The following DMRT1 variants were observed in gnomAD, a reference collection of about 807,000 sequenced individuals.
DMRT1 encodes the protein doublesex and mab-3 related transcription factor 1, also known as doublesex- and mab-3-related transcription factor 1.
DMRT1 carries 7 observed loss-of-function variants against 32.3 expected under a neutral mutation model. The ratio of observed to expected loss-of-function variants is 0.22; its 90% confidence interval spans 0.12 to 0.41. The LOEUF (loss-of-function observed/expected upper bound fraction) is 0.41, where lower values mean the gene tolerates loss of function less well. DMRT1 is among the 10% of genes least tolerant of loss of function. The probability of loss-of-function intolerance (pLI) is 1.00; values close to 1 mark genes in which losing one functional copy is unlikely to be tolerated. For missense variants in DMRT1, 625 were observed against 500.5 expected, an observed-to-expected ratio of 1.25 and a Z score of -2.37; for synonymous variants, 278 against 206.1, an observed-to-expected ratio of 1.35 and a Z score of -2.99.
At position 877,931 on chromosome 9, in the gene DMRT1, T is replaced by C. The variant is rs562428906; in HGVS notation, c.539-15981T>C. Among the ~76,000 whole-genome samples the C allele has an allele frequency of 4.6e-5, 7 of 152,348 alleles. No homozygotes were observed. In the South Asian group the frequency reaches 1.2e-3, roughly 27 times the overall value. On this transcript the variant is annotated intron_variant, in intron 2 of 4. Coordinates refer to ENST00000382276, the MANE Select transcript of DMRT1 (RefSeq NM_021951.3). Reference sequence around the variant, plus strand: ...GCCTGTACAATGACCCATGGTTGGCTTTGGAATATACCATTAAAGTACTGG... The same window carrying C: ...GCCTGTACAATGACCCATGGTTGGCCTTGGAATATACCATTAAAGTACTGG...
rs934217791 is a variant in DMRT1 at position 841,746 on chromosome 9, C to T, written c.-93C>T. 2.0e-5 allele frequency: 31 copies of T among 1,547,874 alleles called. No homozygotes were observed. Among genetic ancestry groups the T allele is most frequent in the South Asian group, 1.3e-4 (11 of 84,062 alleles). ...GCGCACACGTCTCCTGCGCCTCCTCCTCCGGAGCGTCGCTGTCCGTCGGGT... is the reference window on the plus strand; with the variant it reads ...GCGCACACGTCTCCTGCGCCTCCTCTTCCGGAGCGTCGCTGTCCGTCGGGT... On this transcript the variant is annotated 5_prime_UTR_variant, in exon 1 of 5. Coordinates refer to ENST00000382276, the MANE Select transcript of DMRT1 (RefSeq NM_021951.3).
At chr9:947,755 C>G (rs915331864) in intron 4 of DMRT1, among the ~76,000 whole-genome samples, 1 of 152,164 alleles carries the variant, frequency 6.6e-6, no homozygotes, top group African/African-American at 2.4e-5. Context: ...ACTGAGGCCC[C>G]AGAGATGACT....
At chr9:854,259 G>C (rs1365638702) in intron 2 of DMRT1, among the ~76,000 whole-genome samples, 1 of 152,070 alleles carries the variant, frequency 6.6e-6, no homozygotes, top group Non-Finnish European at 1.5e-5. Flanking sequence ...TGGGACTACA[G>C]GTGCGCTACA....
chr9:845,063 G>C (rs900692118), intron 1 of DMRT1, among the ~76,000 whole-genome samples: 8 of 151,918 alleles, frequency 5.3e-5, no homozygotes, highest in African/African-American at 1.9e-4. Flanking sequence ...TTTCACCTTT[G>C]GCTTATATTT....
intron 4 of DMRT1, among the ~76,000 whole-genome samples, chr9:950,414 G>C (rs146667436): frequency 6.6e-6 from 1 of 152,134 alleles, no homozygotes; most frequent in Non-Finnish European, 1.5e-5. Flanking sequence ...CCCACATTCA[G>C]ATCCTGAGTA....
At chr9:855,338 A>G (rs1477563879) in intron 2 of DMRT1, among the ~76,000 whole-genome samples, 2 of 152,240 alleles carry the variant, frequency 1.3e-5, no homozygotes, top group Non-Finnish European at 2.9e-5. Flanking sequence ...ATAACAGCAT[A>G]TTAAAAAACA....
intron 3 of DMRT1, among the ~76,000 whole-genome samples, chr9:913,449 A>G (rs1818059436): frequency 6.6e-6 from 1 of 152,140 alleles, no homozygotes; most frequent in Admixed American, 6.5e-5. Context: ...CAGCAGTTGT[A>G]GATGGCAACA....
chr9:926,747 C>T (rs893788559), intron 4 of DMRT1, among the ~76,000 whole-genome samples: 6 of 151,678 alleles, frequency 4.0e-5, no homozygotes, highest in Non-Finnish European at 7.4e-5. Context: ...TTAGGAATGC[C>T]TAAATGCTCT....
chr9:843,706 C>T lies in DMRT1; in HGVS notation c.354+1514C>T, dbSNP rs1395108838. 2.6e-5 allele frequency among the ~76,000 whole-genome samples: 4 copies of T among 152,162 alleles called. No homozygotes were observed. The South Asian group carries it at 8.3e-4, about 32-fold the overall frequency. ...CAGGTTATTTAAAATGAAAAGATAA[C>T]GAAGAAATGTTTGCTAACGATGTGC... On this transcript the variant is annotated intron_variant, in intron 1 of 4. Coordinates refer to ENST00000382276, the MANE Select transcript of DMRT1 (RefSeq NM_021951.3).
At position 870,709 on chromosome 9, in the gene DMRT1, C is replaced by CTTT. The variant is rs58893896; in HGVS notation, c.539-23185_539-23183dup. Among the ~76,000 whole-genome samples the CTTT allele has an allele frequency of 3.0e-3, 207 of 69,546 alleles. 16 individuals are homozygous for CTTT. Among genetic ancestry groups the CTTT allele is most frequent in the African/African-American group, 0.011 (170 of 15,252 alleles). The allele number at this position is 69,546 out of a possible 152,430, so 45.6% of individuals were successfully genotyped here. Reference sequence around the variant, plus strand: ...GTTCCCATATTTCTCATTTTCTTGACTTTTTTTTTTTTTTTTTTTTGAGAC... The same window carrying CTTT: ...GTTCCCATATTTCTCATTTTCTTGACTTTTTTTTTTTTTTTTTTTTTTTGAGAC... On this transcript the variant is annotated intron_variant, in intron 2 of 4. Transcript: ENST00000382276.
At chr9:942,013 T>C (rs1054753040) in intron 4 of DMRT1, among the ~76,000 whole-genome samples, 7 of 152,238 alleles carry the variant, frequency 4.6e-5, no homozygotes, top group East Asian at 1.9e-4. Context: ...CCTTGTAATG[T>C]TGTTATATCA....
chr9:912,359 A>G (rs1348665873), intron 3 of DMRT1, among the ~76,000 whole-genome samples: 1 of 152,194 alleles, frequency 6.6e-6, no homozygotes, highest in Middle Eastern at 3.2e-3. Context: ...GTAACCTCAA[A>G]TGGAGTCTGA....
At chr9:904,874 G>A (rs540283293) in intron 3 of DMRT1, among the ~76,000 whole-genome samples, 1 of 150,994 alleles carries the variant, frequency 6.6e-6, no homozygotes, top group East Asian at 2.0e-4. Flanking sequence ...CCAGGGAGGC[G>A]TAGGTTGCGG....
chr9:845,365 G>A (rs908594370), intron 1 of DMRT1, among the ~76,000 whole-genome samples: 6 of 151,706 alleles, frequency 4.0e-5, no homozygotes, highest in Non-Finnish European at 7.4e-5. Flanking sequence ...ACACCACCAT[G>A]CCTGGCTAGT....
At chr9:862,366 CGG>C (rs1336550818) in intron 2 of DMRT1, among the ~76,000 whole-genome samples, 1 of 151,980 alleles carries the variant, frequency 6.6e-6, no homozygotes, top group Non-Finnish European at 1.5e-5. Flanking sequence ...TCAGGTGTGG[CGG>C]CGCGCGCCTG....
chr9:865,714 A>G (rs1394226335), intron 2 of DMRT1, among the ~76,000 whole-genome samples: 1 of 152,206 alleles, frequency 6.6e-6, no homozygotes, highest in Non-Finnish European at 1.5e-5. Context: ...AGTTGCCAGG[A>G]ATCTCAGAGA....
chr9:922,690 A>G (rs367725352), intron 4 of DMRT1, among the ~76,000 whole-genome samples: 45 of 152,228 alleles, frequency 3.0e-4, no homozygotes, highest in African/African-American at 1.1e-3. Context: ...ATGGTGCCTT[A>G]TTTCTTTTGG....
At chr9:926,909 A>G (rs1818544614) in intron 4 of DMRT1, among the ~76,000 whole-genome samples, 1 of 152,212 alleles carries the variant, frequency 6.6e-6, no homozygotes. Flanking sequence ...ATCACAAATC[A>G]TCAAGTTGGC....
intron 2 of DMRT1, among the ~76,000 whole-genome samples, chr9:863,149 C>CAA (rs55759836): frequency 0.36 from 34,789 of 97,124 alleles, 7,578 homozygotes; most frequent in Non-Finnish European, 0.47. Context: ...CAGGTCTCTA[C>CAA]AAAAAAAAAA....
Sources: gnomAD v4.1 joint callset for allele counts (sites outside exome capture counted in the v4.1 genomes callset) on GRCh38, gnomAD v4.1.1 for gene constraint, MANE v1.5 for transcripts, NCBI Gene and HGNC (gene_info 2026-07-23, HGNC 2026-07-21) for gene names.